The following CDC42BPA variants were observed in gnomAD, a reference collection of about 807,000 sequenced individuals.
The protein encoded by CDC42BPA is CDC42 binding protein kinase alpha.
In CDC42BPA, 80 loss-of-function variants were observed where a neutral mutation model predicts 223.5. The observed-to-expected ratio is 0.36, with a 90% confidence interval of 0.30 to 0.43. The LOEUF (loss-of-function observed/expected upper bound fraction) is 0.43. CDC42BPA is among the 20% of genes least tolerant of loss of function. CDC42BPA has a pLI of 1.00. For synonymous variants in CDC42BPA, 694 were observed against 718.6 expected, an observed-to-expected ratio of 0.97 and a Z score of 0.55; for missense variants, 1,743 against 2,099.9, an observed-to-expected ratio of 0.83 and a Z score of 3.32.
chr1:227,079,334 T>C (rs935758674), intron 17 of CDC42BPA, among the ~76,000 whole-genome samples: 10 of 152,152 alleles, frequency 6.6e-5, no homozygotes, highest in Non-Finnish European at 1.2e-4. Context: ...CTATTAACCC[T>C]TTCTACAAAG....
rs923369232 is a variant in CDC42BPA at position 227,009,568 on chromosome 1, C to G, written c.4858-4457G>C. 2.0e-5 allele frequency among the ~76,000 whole-genome samples: 3 copies of G among 152,200 alleles called. No homozygotes were observed. In the South Asian group the frequency reaches 6.2e-4, roughly 32 times the overall value. ...GGACCACAGGCATGTGCCACCACAT[C>G]CAACTAATTTTTTTATTTTTATTTT... On this transcript the variant is annotated intron_variant, in intron 34 of 36. Transcript: ENST00000366766.
chr1:227,107,050 A>C (rs753915015), intron 14 of CDC42BPA, among the ~76,000 whole-genome samples: 3 of 152,204 alleles, frequency 2.0e-5, no homozygotes, highest in South Asian at 2.1e-4. Context: ...TTGCAATTCC[A>C]TATGAATTTG....
Position 227,035,614 on chromosome 1 carries a change from G to C in CDC42BPA, c.3200-7C>G, listed in dbSNP as rs1338899100. The C allele has an allele frequency of 6.4e-7, 1 of 1,566,614 alleles. No homozygotes were observed. The highest frequency in any genetic ancestry group is 8.6e-7 in the Non-Finnish European group (1 of 1,166,220). Reference sequence around the variant, plus strand: ...TGGCATGAGAATCCACACACTTTTAGAGGGAAAAAAGAAACGTTTGATAAA... The same window carrying C: ...TGGCATGAGAATCCACACACTTTTACAGGGAAAAAAGAAACGTTTGATAAA... On this transcript the variant is annotated splice_polypyrimidine_tract_variant and splice_region_variant and intron_variant, in intron 24 of 36. Transcript: ENST00000366766.
At position 227,119,890 on chromosome 1, in the gene CDC42BPA, G is replaced by T; in HGVS notation, c.1561C>A (p.Gln521Lys). 1 of 1,600,716 alleles carries T rather than the reference G, an allele frequency of 6.2e-7. No homozygotes were observed. Among genetic ancestry groups the T allele is most frequent in the Non-Finnish European group, 8.5e-7 (1 of 1,173,432 alleles). Residue 521 changes from glutamine (Q) to lysine (K), a missense_variant, in exon 12 of 37, where the codon CAA becomes AAA. Coordinates refer to ENST00000366766, the MANE Select transcript of CDC42BPA (RefSeq NM_001394014.1). Reference sequence around the variant, plus strand: ...TGTCTAAAAGCATCATCTAGTTCTTGCCTCACAGCATTAGCTTCTTCAAGT... The same window carrying T: ...TGTCTAAAAGCATCATCTAGTTCTTTCCTCACAGCATTAGCTTCTTCAAGT... The part of the protein sequence containing the change: ...QQLEEANAVR[Q>K]ELDDAFRQIK...
In CDC42BPA at chr1:227,317,442, A is replaced by G. The variant is rs1190481630; in HGVS notation, c.-260T>C. On this transcript the variant is annotated 5_prime_UTR_variant, in exon 1 of 37. Transcript: ENST00000366766. Reference sequence around the variant, plus strand: ...ATACTTAATGCATTTTTAAAAGAATACAATTAAGTCGTATATTTAAATAAA... The same window carrying G: ...ATACTTAATGCATTTTTAAAAGAATGCAATTAAGTCGTATATTTAAATAAA... 1 of 404,816 alleles carries G rather than the reference A, an allele frequency of 2.5e-6. No homozygotes were observed. The highest frequency in any genetic ancestry group is 4.3e-6 in the Non-Finnish European group (1 of 230,838). 25.1% of individuals were successfully genotyped at this position (404,816 alleles called of 1,614,324 possible). A position where few individuals can be genotyped will look rare whatever the true frequency, so the allele number is the denominator to read the frequency against.
rs181299957 is a variant in CDC42BPA, at chr1:227,210,619, T to C, written c.354+2517A>G. Among the ~76,000 whole-genome samples, 6 of 152,324 alleles carry C rather than the reference T, an allele frequency of 3.9e-5. No individual in the cohort carries two copies. The East Asian group carries it at 9.6e-4, about 24-fold the overall frequency. The stretch of plus-strand genomic sequence containing the variant: ...TAATGAAAGCTAACCCAGTTATTCA[T>C]CCTTTTCACAATTCTTCCCCAACAT... On this transcript the variant is annotated intron_variant, in intron 3 of 36. Coordinates refer to ENST00000366766, the MANE Select transcript of CDC42BPA (RefSeq NM_001394014.1).
At chr1:227,143,092 T>C in intron 8 of CDC42BPA, 68 bp from the exon 9 acceptor site, 2 of 965,170 alleles carry the variant, frequency 2.1e-6, no homozygotes, top group Non-Finnish European at 2.9e-6. Context: ...GCTATAAATA[T>C]AAAATGCCAA....
chr1:226,994,894 A>G lies in CDC42BPA; in HGVS notation c.5062T>C (p.Ser1688Pro), dbSNP rs1231774326. ...SAKRQPMPSPSEGSLSSGGMD... is the reference protein window; with the variant it reads ...SAKRQPMPSPPEGSLSSGGMD... ...CCTCCAGAGGACAAAGAGCCCTCTG[A>G]CGGGGAGGGCATGGGCTGCCGCTTG... The change falls in exon 36 of 37, where the codon TCA becomes CCA. Residue 1688 changes from serine (S) to proline (P), a missense_variant. Physicochemically the swap from Ser to Pro is moderately conservative, Grantham distance 74. Around this residue, in one of 6 missense-constraint regions of CDC42BPA, gnomAD observed 200 missense variants for 192.8 expected, o/e 1.04. Transcript: ENST00000366766. The surrounding 1 kb of genome is among the most constrained non-coding windows in gnomAD (Gnocchi z 4.0). 6.2e-7 allele frequency: 1 copy of G among 1,613,362 alleles called. No homozygotes were observed. The highest frequency in any genetic ancestry group is 1.1e-5 in the South Asian group (1 of 91,060).
intron 6 of CDC42BPA, among the ~76,000 whole-genome samples, chr1:227,153,607 C>T (rs1425059516): frequency 6.6e-6 from 1 of 151,822 alleles, no homozygotes; most frequent in Non-Finnish European, 1.5e-5. Context: ...GTGGTCTGAA[C>T]TACTTTATGG....
rs1342572901 is a variant in CDC42BPA at position 227,173,966 on chromosome 1, A to T, written c.600-13330T>A. 3.3e-5 allele frequency among the ~76,000 whole-genome samples: 5 copies of T among 152,130 alleles called. No individual in the cohort carries two copies. The East Asian group carries it at 9.6e-4, about 29-fold the overall frequency. Reference sequence around the variant, plus strand: ...CCTCTAAAACTCTGTAGTTGCCCCAAATTCCTTGTAGTTACTGAAATACCA... The same window carrying T: ...CCTCTAAAACTCTGTAGTTGCCCCATATTCCTTGTAGTTACTGAAATACCA... On this transcript the variant is annotated intron_variant, in intron 5 of 36. Transcript: ENST00000366766.
At chr1:227,160,274 A>G (rs1439956179) in intron 6 of CDC42BPA, among the ~76,000 whole-genome samples, 1 of 152,220 alleles carries the variant, frequency 6.6e-6, no homozygotes, top group Non-Finnish European at 1.5e-5. Context: ...GAAGTCACCA[A>G]CTAAAGAAGG....
At chr1:227,157,852 T>C (rs922940765) in intron 6 of CDC42BPA, among the ~76,000 whole-genome samples, 1 of 152,152 alleles carries the variant, frequency 6.6e-6, no homozygotes, top group Non-Finnish European at 1.5e-5. Context: ...TACTGTACTT[T>C]CTAATCGTAA....
intron 5 of CDC42BPA, among the ~76,000 whole-genome samples, chr1:227,177,201 T>C (rs78352016): frequency 0.026 from 3,942 of 152,170 alleles, 72 homozygotes; most frequent in Non-Finnish European, 0.041. Context: ...TCTTTCTTCT[T>C]TCCTAAAAAT....
chr1:226,998,879 G>T (rs1197777140), intron 35 of CDC42BPA, among the ~76,000 whole-genome samples: 10 of 151,996 alleles, frequency 6.6e-5, no homozygotes, highest in Admixed American at 6.6e-4. Flanking sequence ...TGGGAGAAAA[G>T]TTTTGCCATC....
At chr1:227,104,568 T>C (rs576662815) in intron 14 of CDC42BPA, among the ~76,000 whole-genome samples, 1 of 152,304 alleles carries the variant, frequency 6.6e-6, no homozygotes, top group South Asian at 2.1e-4. Flanking sequence ...TGTAAGTGTA[T>C]GGGTTGAACT....
intron 2 of CDC42BPA, among the ~76,000 whole-genome samples, chr1:227,221,602 C>CT (rs71281006): frequency 0.22 from 22,330 of 102,060 alleles, 2,071 homozygotes; most frequent in South Asian, 0.36. Context: ...AAATAATAGG[C>CT]TTTTTTTTTT....
At chr1:227,154,394 T>C (rs1363613841) in intron 6 of CDC42BPA, among the ~76,000 whole-genome samples, 1 of 151,882 alleles carries the variant, frequency 6.6e-6, no homozygotes. Context: ...GAGAAAAAAA[T>C]AGCACATATA....
intron 17 of CDC42BPA, among the ~76,000 whole-genome samples, chr1:227,074,575 G>C (rs969824207): frequency 2.0e-5 from 3 of 152,126 alleles, no homozygotes; most frequent in Non-Finnish European, 4.4e-5. Context: ...TAGAGCAGGT[G>C]ATGTTTACAA....
chr1:227,009,435 G>C (rs906927128), intron 34 of CDC42BPA, among the ~76,000 whole-genome samples: 2 of 152,016 alleles, frequency 1.3e-5, no homozygotes, highest in Non-Finnish European at 2.9e-5. Flanking sequence ...TTGAGACATA[G>C]CCTTTCTCTA....
Sources: allele counts gnomAD v4.1 joint callset (sites outside exome capture counted in the v4.1 genomes callset), GRCh38; gene constraint gnomAD v4.1.1; regional missense constraint gnomAD v4.1.1; non-coding constraint Gnocchi (gnomAD v3.1); transcripts MANE v1.5; gene names NCBI Gene and HGNC (gene_info 2026-07-23, HGNC 2026-07-21).